Variants in LVRN observed in about 807,000 individuals in gnomAD.
LVRN encodes the protein laeverin.
In LVRN, 99 loss-of-function variants were observed where a neutral mutation model predicts 111.4. That is an observed-to-expected ratio of 0.89 (90% CI 0.76 to 1.05). The LOEUF is 1.05. Among genes scored for constraint, LVRN ranks in the 50% least tolerant of loss-of-function variants. The pLI is 0.00. For missense variants in LVRN, 1,414 were observed against 1,206.8 expected (o/e 1.17, Z -2.54); for synonymous variants, 488 against 449.5 (o/e 1.09, Z -1.08).
chr5:115,966,514 A>T lies in LVRN; in HGVS notation c.695+3202A>T, dbSNP rs78023514. On this transcript the variant is annotated intron_variant, in intron 1 of 19. Coordinates refer to ENST00000357872, the MANE Select transcript of LVRN (RefSeq NM_173800.5). ...ATAAATCTTCTATGAATAATTGTGT[A>T]CAAGTTTTTCTCTTTAAGAGGCGGG... 9.6e-3 allele frequency among the ~76,000 whole-genome samples: 1,457 copies of T among 152,302 alleles called. 23 individuals are homozygous for T. Among genetic ancestry groups the T allele is most frequent in the African/African-American group, 0.034 (1,403 of 41,558 alleles).
intron 19 of LVRN, among the ~76,000 whole-genome samples, chr5:116,025,394 T>G (rs1748841844): frequency 6.6e-6 from 1 of 152,324 alleles, no homozygotes; most frequent in Non-Finnish European, 1.5e-5. Flanking sequence ...TTGAAAAAAC[T>G]TATAACTTAT....
At chr5:115,999,235 T>G (rs1411205443) in intron 6 of LVRN, among the ~76,000 whole-genome samples, 1 of 152,258 alleles carries the variant, frequency 6.6e-6, no homozygotes, top group Non-Finnish European at 1.5e-5. Context: ...TATTAAAATA[T>G]AATAAATTGC....
At chr5:115,980,694 C>A (rs140426363) in intron 1 of LVRN, among the ~76,000 whole-genome samples, 1 of 152,082 alleles carries the variant, frequency 6.6e-6, no homozygotes, top group Admixed American at 6.6e-5. Flanking sequence ...CAGCTGAGAA[C>A]GTATGATCAA....
intron 1 of LVRN, among the ~76,000 whole-genome samples, chr5:115,973,727 T>A (rs541971288): frequency 6.6e-6 from 1 of 152,186 alleles, no homozygotes; most frequent in South Asian, 2.1e-4. Flanking sequence ...ATTTTAAACA[T>A]CTATAAAATC....
Position 116,022,384 on chromosome 5 carries a change from C to T in LVRN, c.2757-7C>T. 1 of 1,568,472 alleles carries T rather than the reference C, an allele frequency of 6.4e-7. No individual in the cohort carries two copies. Among genetic ancestry groups the T allele is most frequent in the Non-Finnish European group, 8.7e-7 (1 of 1,145,056 alleles). On this transcript the variant is annotated splice_region_variant and splice_polypyrimidine_tract_variant and intron_variant, in intron 18 of 19. Transcript: ENST00000357872. The stretch of plus-strand genomic sequence containing the variant: ...CCACCCTTGATTAACATCTTATTGC[C>T]TTGTAGGTATGGAACACAATCATTG...
chr5:115,973,536 G>A (rs1002567836), intron 1 of LVRN, among the ~76,000 whole-genome samples: 2 of 152,148 alleles, frequency 1.3e-5, no homozygotes, highest in Admixed American at 1.3e-4. Flanking sequence ...TCTGGGCCTA[G>A]AAATTCTTTG....
At chr5:115,992,396 C>T (rs1250750067) in intron 5 of LVRN, 119 bp downstream of exon 5, 1 of 1,175,922 alleles carries the variant, frequency 8.5e-7, no homozygotes, top group Non-Finnish European at 1.2e-6. Flanking sequence ...AGAAAAACAT[C>T]TCAAAGTATG....
intron 1 of LVRN, among the ~76,000 whole-genome samples, chr5:115,965,017 C>G (rs1753172892): frequency 2.0e-5 from 3 of 152,196 alleles, no homozygotes. Context: ...GAGTTTGAAC[C>G]TGAGCTGTGT....
intron 3 of LVRN, among the ~76,000 whole-genome samples, chr5:115,986,247 G>A (rs761457921): frequency 3.9e-5 from 6 of 152,184 alleles, no homozygotes; most frequent in Admixed American, 1.3e-4. Context: ...AAACGTGCAT[G>A]GCTTATATTT....
intron 3 of LVRN, 79 bp from the exon 4 acceptor site, chr5:115,987,734 G>C: frequency 6.7e-7 from 1 of 1,484,314 alleles, no homozygotes; most frequent in South Asian, 1.3e-5. Context: ...TTCAGCAGCA[G>C]GGAATTGGAG....
chr5:115,996,372 CT>C lies in LVRN; in HGVS notation c.1374+2523del, dbSNP rs554503716. On this transcript the variant is annotated intron_variant, in intron 6 of 19. Coordinates refer to ENST00000357872, the MANE Select transcript of LVRN (RefSeq NM_173800.5). ...CTCTTTTTGTACCTTTTAATTATTT[CT>C]TTTTATCATTAGTTTCTTAGCCACT... Among the ~76,000 whole-genome samples, 895 of 152,222 alleles carry C rather than the reference CT, an allele frequency of 5.9e-3. 7 individuals are homozygous for C. Among genetic ancestry groups the C allele is most frequent in the African/African-American group, 0.021 (857 of 41,548 alleles).
In LVRN at chr5:115,983,407, C is replaced by G. The variant is rs771660923; in HGVS notation, c.816C>G (p.Ala272=). 3.7e-6 allele frequency: 6 copies of G among 1,605,198 alleles called. No individual in the cohort carries two copies. The East Asian group carries it at 1.1e-4, about 30-fold the overall frequency. ...TGATTCATCATCCAAGTTATGTGGC[C>G]CTTTCCAACATGCCAAAGCTAGGTA... The part of the protein sequence containing the change: ...ITMIHHPSYV[A]LSNMPKLGQS... Residue 272 remains alanine, a synonymous_variant, in exon 2 of 20, where the codon GCC becomes GCG. Transcript: ENST00000357872.
intron 1 of LVRN, chr5:115,975,063 C>T (rs7341066): frequency 0.058 from 18,460 of 317,214 alleles, 645 homozygotes; most frequent in Middle Eastern, 0.099. Flanking sequence ...ATTATATTTG[C>T]TTCACTAAAC....
At chr5:115,982,802 A>T (rs187133384) in intron 1 of LVRN, among the ~76,000 whole-genome samples, 148 of 152,268 alleles carry the variant, frequency 9.7e-4, no homozygotes, top group African/African-American at 3.5e-3. Flanking sequence ...TACTCCCAAG[A>T]GTGTCCAAAA....
chr5:116,001,918 C>T (rs550306162), intron 10 of LVRN, among the ~76,000 whole-genome samples: 1 of 152,308 alleles, frequency 6.6e-6, no homozygotes, highest in East Asian at 1.9e-4. Flanking sequence ...ATAGCCTAGC[C>T]TTTATCCCTT....
At chr5:115,988,765 T>G (rs1747922024) in intron 4 of LVRN, among the ~76,000 whole-genome samples, 1 of 152,066 alleles carries the variant, frequency 6.6e-6, no homozygotes, top group Admixed American at 6.5e-5. Context: ...GAAACCAGCC[T>G]CGGCCCATTC....
At chr5:116,003,171 T>C in intron 11 of LVRN, 70 bp from the exon 12 acceptor site, 1 of 1,342,618 alleles carries the variant, frequency 7.4e-7, no homozygotes, top group Non-Finnish European at 1.0e-6. Flanking sequence ...GAATCGAGTG[T>C]GTAGTATTAA....
In LVRN at chr5:116,026,569, C is replaced by A; in HGVS notation, c.*451C>A. On this transcript the variant is annotated 3_prime_UTR_variant, in exon 20 of 20. Coordinates refer to ENST00000357872, the MANE Select transcript of LVRN (RefSeq NM_173800.5). ...AAAGACTAATGAGAAGATAACATGA[C>A]AATATAAAAAGACAGAAACTCAAAA... The A allele has an allele frequency of 5.6e-6, 1 of 177,426 alleles. No homozygotes were observed. The highest frequency in any genetic ancestry group is 1.2e-5 in the Non-Finnish European group (1 of 85,518). 11.0% of individuals were successfully genotyped at this position (177,426 alleles called of 1,614,324 possible).
intron 6 of LVRN, 135 bp downstream of exon 6, chr5:115,993,989 T>A (rs952118356): frequency 4.0e-6 from 2 of 505,740 alleles, no homozygotes; most frequent in African/African-American, 2.0e-5. Context: ...AAATAATTTG[T>A]GTTAGCTTTT....
Sources: gnomAD v4.1 joint callset for allele counts (sites outside exome capture counted in the v4.1 genomes callset) on GRCh38, gnomAD v4.1.1 for gene constraint, MANE v1.5 for transcripts, NCBI Gene and HGNC (gene_info 2026-07-23, HGNC 2026-07-21) for gene names.